SLC6A18: variants seen among roughly 807,000 people sequenced by gnomAD.
SLC6A18 encodes the protein solute carrier family 6 member 18.
Under a neutral mutation model 62.9 loss-of-function variants are expected in SLC6A18, and 58 were observed. That is an observed-to-expected ratio of 0.92 (90% CI 0.75 to 1.15). SLC6A18 has a LOEUF of 1.15. Ranked by LOEUF, SLC6A18 falls within the 50% of genes most tolerant of loss-of-function variation. The pLI is 0.00. For synonymous variants in SLC6A18, 382 were observed against 365.8 expected (o/e 1.04, Z -0.51); for missense variants, 793 against 836.6 (o/e 0.95, Z 0.64).
intron 1 of SLC6A18, among the ~76,000 whole-genome samples, chr5:1,228,741 G>T (rs964023698): frequency 6.6e-6 from 1 of 152,222 alleles, no homozygotes; most frequent in Admixed American, 6.5e-5. Context: ...GCGTGCTGGC[G>T]TCTACTTGTA....
chr5:1,244,117 T>A, intron 9 of SLC6A18, 97 bp from the exon 10 acceptor site: 1 of 1,087,276 alleles, frequency 9.2e-7, no homozygotes, highest in Non-Finnish European at 1.3e-6. Context: ...CTCCCCGCTG[T>A]CCGAGGGCAG....
intron 3 of SLC6A18, among the ~76,000 whole-genome samples, chr5:1,234,608 G>A (rs913002731): frequency 2.6e-5 from 4 of 152,250 alleles, no homozygotes; most frequent in Non-Finnish European, 5.9e-5. Context: ...ACACGGCAGG[G>A]CCCCATAACT....
At chr5:1,244,190 C>T (rs1242740174) in intron 9 of SLC6A18, 24 bp from the exon 10 acceptor site, 6 of 1,576,502 alleles carry the variant, frequency 3.8e-6, no homozygotes, top group African/African-American at 1.4e-5. Context: ...CCTTACCCCC[C>T]ACACCCCTTT....
chr5:1,233,776 C>T (rs1746801263), intron 3 of SLC6A18, among the ~76,000 whole-genome samples: 1 of 140,582 alleles, frequency 7.1e-6, no homozygotes, highest in Non-Finnish European at 1.5e-5. Context: ...GAGTCTTGCT[C>T]TGTCGCCCAG....
At chr5:1,233,005 C>T (rs778223628) in intron 3 of SLC6A18, 117 bp downstream of exon 3, 58 of 1,433,704 alleles carry the variant, frequency 4.0e-5, no homozygotes, top group South Asian at 1.1e-4. Context: ...GGGGGAGGGC[C>T]GGGGAACCGG....
At position 1,242,702 on chromosome 5, in the gene SLC6A18, C is replaced by A; in HGVS notation, c.975-5C>A. The A allele has an allele frequency of 1.3e-6, 2 of 1,599,464 alleles. No individual in the cohort carries two copies. Among genetic ancestry groups the A allele is most frequent in the Non-Finnish European group, 8.5e-7 (1 of 1,170,406 alleles). Reference sequence around the variant, plus strand: ...ATGAGCCCACAGTCCTCTCTGTCCCCGCAGAAACATCCTCAGCCTCATCAA... The same window carrying A: ...ATGAGCCCACAGTCCTCTCTGTCCCAGCAGAAACATCCTCAGCCTCATCAA... On this transcript the variant is annotated splice_region_variant and splice_polypyrimidine_tract_variant and intron_variant, in intron 7 of 11. Coordinates refer to ENST00000324642, the MANE Select transcript of SLC6A18 (RefSeq NM_182632.3).
intron 1 of SLC6A18, among the ~76,000 whole-genome samples, chr5:1,229,604 C>T (rs1034030227): frequency 7.2e-5 from 11 of 152,190 alleles, no homozygotes; most frequent in African/African-American, 1.9e-4. Flanking sequence ...CCCTGCCCAC[C>T]GCGACGTGGT....
Position 1,235,533 on chromosome 5 carries a change from G to C in SLC6A18, c.492G>C (p.Arg164=). 6.2e-7 allele frequency: 1 copy of C among 1,614,052 alleles called. No homozygotes were observed. The highest frequency in any genetic ancestry group is 8.5e-7 in the Non-Finnish European group (1 of 1,180,032). The part of the protein sequence containing the change: ...GSSAVSYFWY[R]QTLNITADIN... ...GCGCCGTGAGCTACTTCTGGTACCG[G>C]CAGACACTGAACATCACAGCCGACA... Residue 164 remains arginine (R), a synonymous_variant, in exon 4 of 12, where the codon CGG becomes CGC. Coordinates refer to ENST00000324642, the MANE Select transcript of SLC6A18 (RefSeq NM_182632.3).
chr5:1,244,451 AC>A, intron 10 of SLC6A18, 78 bp downstream of exon 10: 1 of 1,583,262 alleles, frequency 6.3e-7, no homozygotes. Flanking sequence ...CACAGGTTCA[AC>A]CCGCAGCTGC....
At chr5:1,245,252 G>A (rs1747188850) in intron 11 of SLC6A18, among the ~76,000 whole-genome samples, 1 of 152,134 alleles carries the variant, frequency 6.6e-6, no homozygotes, top group Non-Finnish European at 1.5e-5. Context: ...GCCTCCCGAG[G>A]AGAGATCAGA....
Position 1,246,059 on chromosome 5 carries a change from C to T in SLC6A18, c.1868C>T (p.Pro623Leu). Residue 623 changes from proline to leucine, a missense_variant, in exon 12 of 12, where the codon CCG becomes CTG. Physicochemically the swap from Pro to Leu is moderately conservative, Grantham distance 98 (BLOSUM62 -3). Transcript: ENST00000324642. ...ACGCGCCCAGACACGGACATGCGCC[C>T]GGACACGGACATGCGCTGAAGCCGG... Reference protein sequence around the residue: ...TDTRPDTDMRPDTDMR With the variant: ...TDTRPDTDMRLDTDMR 10 of 1,585,548 alleles carry T rather than the reference C, an allele frequency of 6.3e-6. No individual in the cohort carries two copies. Among genetic ancestry groups the T allele is most frequent in the Non-Finnish European group, 8.5e-6 (10 of 1,172,114 alleles).
rs1747050825 is a variant in SLC6A18, at chr5:1,241,151, T to C, written c.974+492T>C. Among the ~76,000 whole-genome samples the C allele has an allele frequency of 2.0e-5, 3 of 152,156 alleles. No individual in the cohort carries two copies. The South Asian group carries it at 6.2e-4, about 32-fold the overall frequency. On this transcript the variant is annotated intron_variant, in intron 7 of 11. Coordinates refer to ENST00000324642, the MANE Select transcript of SLC6A18 (RefSeq NM_182632.3). The surrounding 1 kb of genome is among the most constrained non-coding windows in gnomAD (Gnocchi z 7.8). ...ATTTCCCGTGGTTTTGAGGCACCATTGCTGGTCGTTTGCTGCGGTGGTCCC... is the reference window on the plus strand; with the variant it reads ...ATTTCCCGTGGTTTTGAGGCACCATCGCTGGTCGTTTGCTGCGGTGGTCCC...
At chr5:1,233,031 A>G (rs1181356279) in intron 3 of SLC6A18, 143 bp downstream of exon 3, 8 of 1,225,942 alleles carry the variant, frequency 6.5e-6, no homozygotes, top group Non-Finnish European at 8.9e-6. Context: ...CTGTGTGCAC[A>G]TGCACGCGCC....
chr5:1,232,084 C>A, intron 1 of SLC6A18, 135 bp from the exon 2 acceptor site: 2 of 769,486 alleles, frequency 2.6e-6, no homozygotes, highest in South Asian at 1.8e-5. Context: ...AAGGGTGTCT[C>A]CACCACCCAA....
Position 1,245,991 on chromosome 5 carries a change from C to G in SLC6A18, c.1800C>G (p.Asp600Glu). The change falls in exon 12 of 12, where the codon GAC becomes GAG. Residue 600 changes from aspartate to glutamate, a missense_variant. Physicochemically the swap from Asp to Glu is conservative, Grantham distance 45 (BLOSUM62 2). Coordinates refer to ENST00000324642, the MANE Select transcript of SLC6A18 (RefSeq NM_182632.3). ...LLTRRRRTWRDRDARPDTDMR... is the reference protein window; with the variant it reads ...LLTRRRRTWRERDARPDTDMR... ...CCCGGCGGAGGCGGACGTGGAGGGA[C>G]AGGGACGCGCGCCCAGACACGGACA... 1 of 1,598,156 alleles carries G rather than the reference C, an allele frequency of 6.3e-7. No homozygotes were observed. Among genetic ancestry groups the G allele is most frequent in the Non-Finnish European group, 8.5e-7 (1 of 1,177,780 alleles).
chr5:1,245,727 T>G, intron 11 of SLC6A18, 121 bp from the exon 12 acceptor site: 2 of 1,115,226 alleles, frequency 1.8e-6, no homozygotes, highest in Non-Finnish European at 2.5e-6. Context: ...GGCCGTGCCT[T>G]TTCCATTCCC....
intron 4 of SLC6A18, among the ~76,000 whole-genome samples, chr5:1,237,588 T>C (rs1746917852): frequency 6.6e-6 from 1 of 152,094 alleles, no homozygotes; most frequent in South Asian, 2.1e-4. Flanking sequence ...GAGAGGCAAG[T>C]GGAGGTGGGT....
chr5:1,227,073 C>G (rs185637292), intron 1 of SLC6A18, among the ~76,000 whole-genome samples: 21 of 69,054 alleles, frequency 3.0e-4, no homozygotes, highest in East Asian at 2.4e-3. Context: ...GCCCGCCGAC[C>G]CCTTGCCCGC....
At chr5:1,227,346 G>A (rs556022362) in intron 1 of SLC6A18, among the ~76,000 whole-genome samples, 3 of 152,368 alleles carry the variant, frequency 2.0e-5, no homozygotes, top group African/African-American at 7.2e-5. Context: ...CCAGCTGCGC[G>A]GGGACTTCAG....
Sources: gnomAD v4.1 joint callset for allele counts (sites outside exome capture counted in the v4.1 genomes callset) on GRCh38, gnomAD v4.1.1 for gene constraint, Gnocchi (gnomAD v3.1) non-coding constraint, MANE v1.5 for transcripts, NCBI Gene and HGNC (gene_info 2026-07-23, HGNC 2026-07-21) for gene names.